FHL5: variants seen among roughly 807,000 people sequenced by gnomAD.
The protein encoded by FHL5 is four and a half LIM domains protein 5.
FHL5 carries 33 observed loss-of-function variants against 32.0 expected under a neutral mutation model. The ratio of observed to expected loss-of-function variants is 1.03; its 90% CI spans 0.78 to 1.38. The LOEUF (loss-of-function observed/expected upper bound fraction) is 1.38. Among genes scored for constraint, FHL5 ranks in the 40% most tolerant of loss-of-function variants. The pLI is 0.00. For missense variants in FHL5, 336 were observed against 343.9 expected (o/e 0.98, Z 0.18); for synonymous variants, 114 against 113.6 (o/e 1.00, Z -0.02).
chr6:96,614,690 C>T (rs1172422213), intron 5 of FHL5, among the ~76,000 whole-genome samples: 1 of 151,970 alleles, frequency 6.6e-6, no homozygotes, highest in Non-Finnish European at 1.5e-5. Context: ...AAATAAAGAC[C>T]CAAGCCTAGG....
intron 5 of FHL5, among the ~76,000 whole-genome samples, chr6:96,613,006 CAG>C (rs954056882): frequency 1.6e-4 from 24 of 152,192 alleles, no homozygotes; most frequent in East Asian, 5.8e-4. Flanking sequence ...TTCAGTTAAA[CAG>C]GGGAAATAAT....
At chr6:96,602,879 AC>A (rs1239189631) in intron 1 of FHL5, among the ~76,000 whole-genome samples, 1 of 152,310 alleles carries the variant, frequency 6.6e-6, no homozygotes, top group African/African-American at 2.4e-5. Context: ...CACAATAGTC[AC>A]AAAGACCTAG....
chr6:96,567,466 T>A (rs1036256998), intron 1 of FHL5, among the ~76,000 whole-genome samples: 1 of 151,990 alleles, frequency 6.6e-6, no homozygotes, highest in Non-Finnish European at 1.5e-5. Context: ...CTTTGGCTAT[T>A]CAGGGTCTTT....
intron 1 of FHL5, among the ~76,000 whole-genome samples, chr6:96,602,516 G>T (rs1177451862): frequency 8.1e-6 from 1 of 122,984 alleles, no homozygotes; most frequent in Non-Finnish European, 1.6e-5. Flanking sequence ...GCACAATCTC[G>T]GCTCACTGCA....
intron 1 of FHL5, among the ~76,000 whole-genome samples, chr6:96,584,804 C>T (rs1770766074): frequency 1.3e-5 from 2 of 151,996 alleles, no homozygotes; most frequent in African/African-American, 2.4e-5. Context: ...CAATATGGTC[C>T]ACCAGATATG....
chr6:96,586,467 C>G (rs992582987), intron 1 of FHL5, among the ~76,000 whole-genome samples: 2 of 152,030 alleles, frequency 1.3e-5, no homozygotes, highest in East Asian at 3.8e-4. Flanking sequence ...TCTATCAGAG[C>G]AACATAAATT....
At chr6:96,602,426 CTTTTTTTTTT>C (rs1168636713) in intron 1 of FHL5, among the ~76,000 whole-genome samples, 9 of 33,700 alleles carry the variant, frequency 2.7e-4, no homozygotes, top group African/African-American at 3.3e-4. Flanking sequence ...TGCGTTGTTT[CTTTTTTTTTT>C]TTTTTTTTTT....
chr6:96,583,371 G>A (rs1770732331), intron 1 of FHL5, among the ~76,000 whole-genome samples: 1 of 152,050 alleles, frequency 6.6e-6, no homozygotes, highest in Admixed American at 6.6e-5. Flanking sequence ...TAAATGTGGA[G>A]GATTTAATTT....
At chr6:96,565,627 G>T (rs572487651) in intron 1 of FHL5, among the ~76,000 whole-genome samples, 1 of 152,104 alleles carries the variant, frequency 6.6e-6, no homozygotes, top group Non-Finnish European at 1.5e-5. Flanking sequence ...GATATATTCA[G>T]GTTGTCTCCT....
chr6:96,592,863 G>A (rs796851399), intron 1 of FHL5, among the ~76,000 whole-genome samples: 5 of 152,250 alleles, frequency 3.3e-5, no homozygotes, highest in African/African-American at 9.6e-5. Context: ...GTACCCTGAT[G>A]TGTCCAAGTG....
chr6:96,573,192 A>T (rs1435940156), intron 1 of FHL5, among the ~76,000 whole-genome samples: 1 of 152,148 alleles, frequency 6.6e-6, no homozygotes, highest in East Asian at 1.9e-4. Flanking sequence ...AAGGTGTTCA[A>T]TTTTCTTTAT....
At chr6:96,573,385 G>GA (rs1376359814) in intron 1 of FHL5, among the ~76,000 whole-genome samples, 1 of 151,678 alleles carries the variant, frequency 6.6e-6, no homozygotes, top group Admixed American at 6.6e-5. Context: ...ATTTGCATTT[G>GA]AAAAAAATCC....
intron 1 of FHL5, among the ~76,000 whole-genome samples, chr6:96,566,151 C>A (rs1770352661): frequency 6.6e-6 from 1 of 151,974 alleles, no homozygotes; most frequent in African/African-American, 2.4e-5. Context: ...CTATCTCTTT[C>A]TTCCCCCTAC....
chr6:96,577,695 A>T (rs1367597546), intron 1 of FHL5, among the ~76,000 whole-genome samples: 2 of 152,154 alleles, frequency 1.3e-5, no homozygotes, highest in Non-Finnish European at 2.9e-5. Context: ...CTCTCTGCTC[A>T]TGCTTATGAA....
chr6:96,613,841 C>G (rs1771462728), intron 5 of FHL5, among the ~76,000 whole-genome samples: 1 of 152,314 alleles, frequency 6.6e-6, no homozygotes, highest in African/African-American at 2.4e-5. Flanking sequence ...ATGCTAATAT[C>G]TGACCCCATG....
chr6:96,612,814 A>G (rs1157861931), intron 5 of FHL5, among the ~76,000 whole-genome samples: 1 of 152,086 alleles, frequency 6.6e-6, no homozygotes, highest in East Asian at 1.9e-4. Context: ...TCACTTTACT[A>G]TTTCTTCATC....
intron 1 of FHL5, among the ~76,000 whole-genome samples, chr6:96,599,902 A>T (rs1330992937): frequency 6.6e-6 from 1 of 152,142 alleles, no homozygotes; most frequent in Non-Finnish European, 1.5e-5. Flanking sequence ...GAAAGCAAAA[A>T]TTTTCCAATA....
At chr6:96,577,966 C>T (rs945961668) in intron 1 of FHL5, among the ~76,000 whole-genome samples, 2 of 148,306 alleles carry the variant, frequency 1.3e-5, no homozygotes, top group Non-Finnish European at 3.0e-5. Context: ...AAAGTCAGTT[C>T]GCCTCTCTGA....
intron 5 of FHL5, among the ~76,000 whole-genome samples, chr6:96,615,215 A>G (rs559094085): frequency 6.6e-6 from 1 of 152,352 alleles, no homozygotes; most frequent in South Asian, 2.1e-4. Context: ...TTAAAGTCAT[A>G]TAGAGAAAAA....
Sources: gnomAD v4.1 joint callset for allele counts (sites outside exome capture counted in the v4.1 genomes callset) on GRCh38, gnomAD v4.1.1 for gene constraint, MANE v1.5 for transcripts, NCBI Gene and HGNC (gene_info 2026-07-23, HGNC 2026-07-21) for gene names.